PBX1: variants seen among roughly 807,000 people sequenced by gnomAD.
PBX1 encodes pre-B-cell leukemia transcription factor 1.
A neutral mutation model predicts 53.4 loss-of-function variants in PBX1; 6 were observed. That is an observed-to-expected ratio of 0.11 (90% CI 0.06 to 0.22). The LOEUF (loss-of-function observed/expected upper bound fraction) is 0.22. PBX1 is among the 10% of genes least tolerant of loss of function. The pLI, the probability that PBX1 is intolerant of heterozygous loss-of-function variation, is 1.00. For synonymous variants in PBX1, 204 were observed against 212.3 expected (o/e 0.96, Z 0.34); for missense variants, 251 against 551.4 (o/e 0.46, Z 5.46).
At chr1:164,679,032 C>G (rs1177188944) in intron 2 of PBX1, among the ~76,000 whole-genome samples, 1 of 152,182 alleles carries the variant, frequency 6.6e-6, no homozygotes, top group African/African-American at 2.4e-5. Flanking sequence ...CATGTATCTT[C>G]TTGTATCAAG....
intron 2 of PBX1, among the ~76,000 whole-genome samples, chr1:164,650,673 A>G (rs965841622): frequency 6.6e-6 from 1 of 152,140 alleles, no homozygotes; most frequent in African/African-American, 2.4e-5. Context: ...GTCTCTTGAC[A>G]ACTGTTAACT....
chr1:164,576,513 G>GCCGCACGTCACCGGCCGCCAGCGCGCGGA (rs1232659583), intron 2 of PBX1, among the ~76,000 whole-genome samples: 1 of 152,210 alleles, frequency 6.6e-6, no homozygotes, highest in Admixed American at 6.5e-5. Flanking sequence ...CCCAGCGCAG[G>GCCGCACGTCACCGGCCGCCAGCGCGCGGA]CCGCACGTCA....
intron 2 of PBX1, among the ~76,000 whole-genome samples, chr1:164,635,721 T>C (rs1658727531): frequency 6.6e-6 from 1 of 152,236 alleles, no homozygotes; most frequent in Non-Finnish European, 1.5e-5. Flanking sequence ...TTTTCTGTTT[T>C]AATTTACGTC....
Position 164,689,012 on chromosome 1 carries a change from A to G in PBX1, c.266-103482A>G, listed in dbSNP as rs562664361. On this transcript the variant is annotated intron_variant, in intron 2 of 8. Transcript: ENST00000420696. ...GCGTCGCGCCTCCCCTTGGTGCCGC[A>G]GGCCACGCAGAGAGGCAACGACCTT... Among the ~76,000 whole-genome samples, 8 of 152,310 alleles carry G rather than the reference A, an allele frequency of 5.3e-5. No individual in the cohort carries two copies. In the South Asian group the frequency reaches 8.3e-4, roughly 16 times the overall value.
intron 2 of PBX1, among the ~76,000 whole-genome samples, chr1:164,668,470 T>G: frequency 6.8e-6 from 1 of 147,004 alleles, no homozygotes; most frequent in Non-Finnish European, 1.5e-5. Context: ...TAGGATCACC[T>G]GAGAGAGAAA....
At chr1:164,732,260 A>G (rs1447138317) in intron 2 of PBX1, among the ~76,000 whole-genome samples, 1 of 152,190 alleles carries the variant, frequency 6.6e-6, no homozygotes, top group Non-Finnish European at 1.5e-5. Context: ...TAAGGAATTG[A>G]TAAAAGGATG....
chr1:164,844,968 A>G (rs1330515955), intron 8 of PBX1, among the ~76,000 whole-genome samples: 1 of 152,236 alleles, frequency 6.6e-6, no homozygotes, highest in Non-Finnish European at 1.5e-5. Context: ...TGACTGGGTT[A>G]GGAGATGGGA....
At chr1:164,658,674 T>C (rs1036108323) in intron 2 of PBX1, among the ~76,000 whole-genome samples, 5 of 152,352 alleles carry the variant, frequency 3.3e-5, no homozygotes, top group African/African-American at 9.6e-5. Flanking sequence ...TTTATGACCT[T>C]GGATGGGCTA....
At chr1:164,745,663 G>C (rs1294999218) in intron 2 of PBX1, among the ~76,000 whole-genome samples, 1 of 152,280 alleles carries the variant, frequency 6.6e-6, no homozygotes, top group South Asian at 2.1e-4. Flanking sequence ...CCAGCTACAG[G>C]CTGGGCTAAA....
chr1:164,635,312 T>TA (rs1277109991), intron 2 of PBX1, among the ~76,000 whole-genome samples: 7 of 151,598 alleles, frequency 4.6e-5, no homozygotes, highest in Non-Finnish European at 1.0e-4. Flanking sequence ...GTATCTGTTT[T>TA]AAAAAGTGGG....
chr1:164,806,715 G>C (rs1669372216), intron 4 of PBX1, among the ~76,000 whole-genome samples: 1 of 152,186 alleles, frequency 6.6e-6, no homozygotes, highest in Admixed American at 6.5e-5. Context: ...ATCTGCCTCA[G>C]TAGTAGTGAA....
intron 2 of PBX1, among the ~76,000 whole-genome samples, chr1:164,718,454 G>A (rs1289121754): frequency 6.6e-6 from 1 of 152,192 alleles, no homozygotes; most frequent in Non-Finnish European, 1.5e-5. Context: ...GTTCCCATAG[G>A]ACTAACTCTG....
At chr1:164,659,089 T>A (rs1294019424) in intron 2 of PBX1, among the ~76,000 whole-genome samples, 1 of 151,754 alleles carries the variant, frequency 6.6e-6, no homozygotes, top group Non-Finnish European at 1.5e-5. Context: ...AAGGGCTGAT[T>A]CATTCATCAT....
rs1377575856 is a variant in PBX1, at chr1:164,563,408, A to G, written c.265+97A>G. ...TATTATTTAAATATTAAAATTTCAG[A>G]ATACAAGTACTATGAAGGTTGACCT... On this transcript the variant is annotated intron_variant, in intron 2 of 8. Coordinates refer to ENST00000420696, the MANE Select transcript of PBX1 (RefSeq NM_002585.4). The G allele has an allele frequency of 1.5e-5, 11 of 735,876 alleles. No individual in the cohort carries two copies. The East Asian group carries it at 2.2e-4, about 15-fold the overall frequency. The allele number at this position is 735,876 out of a possible 1,614,324, so 45.6% of individuals were successfully genotyped here. A position where few individuals can be genotyped will look rare whatever the true frequency, so the allele number is the denominator to read the frequency against.
At chr1:164,749,142 A>G (rs1347144855) in intron 2 of PBX1, among the ~76,000 whole-genome samples, 2 of 152,216 alleles carry the variant, frequency 1.3e-5, no homozygotes, top group African/African-American at 2.4e-5. Context: ...AGGGAAAAAA[A>G]AGCTGATAGC....
At chr1:164,591,689 C>A (rs2101772138) in intron 2 of PBX1, among the ~76,000 whole-genome samples, 1 of 152,298 alleles carries the variant, frequency 6.6e-6, no homozygotes, top group Middle Eastern at 3.4e-3. Context: ...AGTGACATTT[C>A]TTTTTAATGT....
intron 2 of PBX1, among the ~76,000 whole-genome samples, chr1:164,719,057 C>T (rs753995939): frequency 2.3e-4 from 35 of 152,254 alleles, no homozygotes; most frequent in Non-Finnish European, 2.8e-4. Context: ...TCTACTCAGC[C>T]TTGCTCACAG....
rs567086048 is a variant in PBX1, at chr1:164,783,728, G to A, written c.266-8766G>A. 5.4e-4 allele frequency among the ~76,000 whole-genome samples: 81 copies of A among 151,018 alleles called. 1 individual carries two copies. In the South Asian group the frequency reaches 0.017, roughly 31 times the overall value. On this transcript the variant is annotated intron_variant, in intron 2 of 8. Coordinates refer to ENST00000420696, the MANE Select transcript of PBX1 (RefSeq NM_002585.4). Reference sequence around the variant, plus strand: ...ACACCCAAGGCCTGTTTTAGTGTACGTTTTTTTTTGTGCCATGCTGTGGCA... The same window carrying A: ...ACACCCAAGGCCTGTTTTAGTGTACATTTTTTTTTGTGCCATGCTGTGGCA...
chr1:164,586,519 C>T (rs777694864), intron 2 of PBX1, among the ~76,000 whole-genome samples: 13 of 152,286 alleles, frequency 8.5e-5, no homozygotes, highest in East Asian at 1.9e-4. Flanking sequence ...AGAACAATTT[C>T]TTATCTGTAA....
Sources: gnomAD v4.1 joint callset for allele counts (sites outside exome capture counted in the v4.1 genomes callset) on GRCh38, gnomAD v4.1.1 for gene constraint, MANE v1.5 for transcripts, NCBI Gene and HGNC (gene_info 2026-07-23, HGNC 2026-07-21) for gene names.